Variants in PET117 observed in about 807,000 individuals in gnomAD.
PET117 encodes the protein PET117 cytochrome c oxidase chaperone.
PET117 carries 10 observed loss-of-function variants against 9.2 expected under a neutral mutation model. The observed-to-expected ratio is 1.09, with a 90% CI of 0.67 to 1.85. The LOEUF is 1.85. PET117 is among the 40% of genes most tolerant of loss of function. The pLI, the probability that PET117 is intolerant of heterozygous loss-of-function variation, is 0.00. For synonymous variants in PET117, 43 were observed against 37.1 expected (o/e 1.16, Z -0.57); for missense variants, 96 against 98.2 (o/e 0.98, Z 0.09).
chr20:18,138,820 C>T (rs924051672), intron 1 of PET117, among the ~76,000 whole-genome samples: 12 of 152,054 alleles, frequency 7.9e-5, no homozygotes, highest in Admixed American at 5.2e-4. Flanking sequence ...TGGGTGATTA[C>T]TGTGTGGAAG....
In PET117 at chr20:18,142,354, A is replaced by G; in HGVS notation, c.243A>G (p.Ser81=). Residue 81 remains serine (S), a synonymous_variant, in exon 2 of 2, where the codon TCA becomes TCG. Transcript: ENST00000432901. ...TATTGGCAAAAGGATCTCAAAAATCATGACTTGAATGTGAAATATCTGTTG... is the reference window on the plus strand; with the variant it reads ...TATTGGCAAAAGGATCTCAAAAATCGTGACTTGAATGTGAAATATCTGTTG... The part of the protein sequence containing the change: ...KMLLAKGSQK[S] The G allele has an allele frequency of 3.9e-6, 6 of 1,535,982 alleles. No individual in the cohort carries two copies. The highest frequency in any genetic ancestry group is 5.2e-6 in the Non-Finnish European group (6 of 1,146,000).
At chr20:18,141,857 G>A (rs1385916760) in intron 1 of PET117, among the ~76,000 whole-genome samples, 1 of 152,162 alleles carries the variant, frequency 6.6e-6, no homozygotes, top group African/African-American at 2.4e-5. Flanking sequence ...CTGCACTCCA[G>A]CCTGGGCGAC....
intron 1 of PET117, chr20:18,138,318 G>C (rs908763540): frequency 8.6e-6 from 10 of 1,163,520 alleles, no homozygotes; most frequent in Non-Finnish European, 1.1e-5. Flanking sequence ...CGCGCTGAAG[G>C]GGCCTTGCTC....
In PET117 at chr20:18,137,988, C is replaced by T; in HGVS notation, c.33C>T (p.Leu11=). ...GGAGCTCGAAGGTGGTGCTGGGCCT[C>T]TCGGTGCTGCTGACGGCGGCCACAG... The part of the protein sequence containing the change: MSRSSKVVLG[L]SVLLTAATVA... The change falls in exon 1 of 2, where the codon CTC becomes CTT. Residue 11 remains leucine (L), a synonymous_variant. Coordinates refer to ENST00000432901, the MANE Select transcript of PET117 (RefSeq NM_001164811.2). 6.6e-7 allele frequency: 1 copy of T among 1,506,296 alleles called. No homozygotes were observed. Among genetic ancestry groups the T allele is most frequent in the Non-Finnish European group, 8.8e-7 (1 of 1,134,256 alleles). 93.3% of individuals were successfully genotyped at this position (1,506,296 alleles called of 1,614,324 possible).
intron 1 of PET117, among the ~76,000 whole-genome samples, chr20:18,141,257 A>G (rs2037564831): frequency 2.0e-5 from 3 of 151,940 alleles, no homozygotes; most frequent in Non-Finnish European, 4.4e-5. Context: ...ATGTTTTTAA[A>G]AGTCTCTTCT....
At position 18,137,925 on chromosome 20, in the gene PET117, GGA is replaced by G. The variant is rs755566144; in HGVS notation, c.-23_-22del. On this transcript the variant is annotated 5_prime_UTR_variant, in exon 1 of 2. Transcript: ENST00000432901. ...GCGGCCTCTGCGCCTCGGGCGGGCGGGAGAGAGAGGCCGCGGCCGCCAGCGTG... is the reference window on the plus strand; with the variant it reads ...GCGGCCTCTGCGCCTCGGGCGGGCGGGAGAGAGGCCGCGGCCGCCAGCGTG... 3.4e-6 allele frequency: 5 copies of G among 1,474,080 alleles called. No homozygotes were observed. Among genetic ancestry groups the G allele is most frequent in the South Asian group, 1.3e-5 (1 of 77,782 alleles). 91.3% of individuals were successfully genotyped at this position (1,474,080 alleles called of 1,614,324 possible).
chr20:18,139,431 A>C (rs1030967561), intron 1 of PET117, among the ~76,000 whole-genome samples: 1 of 152,152 alleles, frequency 6.6e-6, no homozygotes, highest in East Asian at 1.9e-4. Context: ...CTGAACATCA[A>C]ATGTTCCCGG....
chr20:18,141,040 T>TTTTTA (rs1568661531), intron 1 of PET117, among the ~76,000 whole-genome samples: 3 of 55,150 alleles, frequency 5.4e-5, no homozygotes, highest in African/African-American at 7.2e-5. Flanking sequence ...TTTTTTTTTT[T>TTTTTA]TTTTTTATTT....
chr20:18,138,830 G>A (rs1166463160), intron 1 of PET117, among the ~76,000 whole-genome samples: 20 of 152,136 alleles, frequency 1.3e-4, no homozygotes, highest in Non-Finnish European at 5.9e-5. Context: ...CTGTGTGGAA[G>A]CTACCTCACT....
chr20:18,139,257 T>C (rs762475536), intron 1 of PET117, among the ~76,000 whole-genome samples: 58 of 152,194 alleles, frequency 3.8e-4, no homozygotes, highest in Non-Finnish European at 7.1e-4. Flanking sequence ...GCTTTTGGAA[T>C]AGAGGCAGAA....
In PET117 at chr20:18,143,085, A is replaced by T. The variant is rs2037651966; in HGVS notation, c.*728A>T. The T allele has an allele frequency of 4.3e-6, 6 of 1,405,560 alleles. No individual in the cohort carries two copies. The highest frequency in any genetic ancestry group is 5.6e-6 in the Non-Finnish European group (6 of 1,078,034). The allele number at this position is 1,405,560 out of a possible 1,614,324, so 87.1% of individuals were successfully genotyped here. Reference sequence around the variant, plus strand: ...TTATATAAAACATAGGCATGTTTGTACTAATGAAACGTACTGTCAACCTCT... The same window carrying T: ...TTATATAAAACATAGGCATGTTTGTTCTAATGAAACGTACTGTCAACCTCT... On this transcript the variant is annotated 3_prime_UTR_variant, in exon 2 of 2. Transcript: ENST00000432901.
intron 1 of PET117, among the ~76,000 whole-genome samples, chr20:18,141,433 T>G (rs968610429): frequency 2.0e-5 from 3 of 152,190 alleles, no homozygotes; most frequent in African/African-American, 7.2e-5. Flanking sequence ...CATTGTTAAC[T>G]TTACATGCTA....
chr20:18,142,569 C>T lies in PET117; in HGVS notation c.*212C>T, dbSNP rs1600214263. ...GCAGACACTTTTTGGAAGAGTCTGT[C>T]TGGGTGATCCTGGTAGAAGCCCCAT... is the stretch of plus-strand genomic sequence containing the variant. On this transcript the variant is annotated 3_prime_UTR_variant, in exon 2 of 2. Coordinates refer to ENST00000432901, the MANE Select transcript of PET117 (RefSeq NM_001164811.2). 12 of 1,554,102 alleles carry T rather than the reference C, an allele frequency of 7.7e-6. No individual in the cohort carries two copies. Among genetic ancestry groups the T allele is most frequent in the East Asian group, 2.3e-5 (1 of 43,964 alleles).
chr20:18,138,329 C>G (rs1324735536), intron 1 of PET117: 1 of 1,129,928 alleles, frequency 8.9e-7, no homozygotes, highest in Non-Finnish European at 1.1e-6. Flanking sequence ...GGCCTTGCTC[C>G]GCACAGGCAC....
chr20:18,140,794 G>A (rs1179502976), intron 1 of PET117, among the ~76,000 whole-genome samples: 2 of 146,136 alleles, frequency 1.4e-5, no homozygotes, highest in African/African-American at 5.1e-5. Context: ...TCTCCAGCCT[G>A]GGTGACAGAA....
intron 1 of PET117, among the ~76,000 whole-genome samples, chr20:18,140,217 C>T (rs763120174): frequency 6.6e-6 from 1 of 151,754 alleles, no homozygotes; most frequent in Non-Finnish European, 1.5e-5. Flanking sequence ...GTGTAAGAAG[C>T]ACAGGACAGG....
chr20:18,140,256 G>GCA (rs1462991954), intron 1 of PET117, among the ~76,000 whole-genome samples: 1 of 151,950 alleles, frequency 6.6e-6, no homozygotes, highest in Non-Finnish European at 1.5e-5. Context: ...AGTGGAATAA[G>GCA]CACCTCCGTT....
chr20:18,138,358 G>C, intron 1 of PET117: 2 of 1,081,132 alleles, frequency 1.8e-6, no homozygotes, highest in Non-Finnish European at 1.1e-6. Context: ...AGCTTTTGGG[G>C]TGCCCAGTGG....
chr20:18,142,905 A>T lies in PET117; in HGVS notation c.*548A>T, dbSNP rs771028770. The T allele has an allele frequency of 6.2e-7, 1 of 1,613,840 alleles. No individual in the cohort carries two copies. On this transcript the variant is annotated 3_prime_UTR_variant, in exon 2 of 2. Transcript: ENST00000432901. ...TCCTACTTCTGTGACAAGTGCCAAA[A>T]ATGGATACCAGCCAGTAAGGAGCTT... is the stretch of plus-strand genomic sequence containing the variant.
Sources: gnomAD v4.1 joint callset for allele counts (sites outside exome capture counted in the v4.1 genomes callset) on GRCh38, gnomAD v4.1.1 for gene constraint, MANE v1.5 for transcripts, NCBI Gene and HGNC (gene_info 2026-07-23, HGNC 2026-07-21) for gene names.